HDAC7: variants seen among roughly 807,000 people sequenced by gnomAD.
HDAC7 encodes the protein histone deacetylase 7A.
HDAC7 carries 26 observed loss-of-function variants against 115.5 expected under a neutral mutation model. The observed-to-expected ratio is 0.23, with a 90% CI of 0.16 to 0.31. HDAC7 has a LOEUF of 0.31. Ranked by LOEUF, HDAC7 falls within the 10% of genes least tolerant of loss-of-function variation. The pLI, the probability that HDAC7 is intolerant of heterozygous loss-of-function variation, is 1.00. For missense variants in HDAC7, 1,068 were observed against 1,329.0 expected (o/e 0.80, Z 3.05); for synonymous variants, 564 against 550.9 (o/e 1.02, Z -0.33).
intron 1 of HDAC7, among the ~76,000 whole-genome samples, chr12:47,814,834 G>A (rs1944806791): frequency 6.6e-6 from 1 of 152,204 alleles, no homozygotes; most frequent in Admixed American, 6.5e-5. Flanking sequence ...ACCTTCTTAG[G>A]CAGTCCTCCC....
intron 1 of HDAC7, chr12:47,817,335 G>A (rs1479672463): frequency 6.6e-6 from 1 of 152,264 alleles, no homozygotes; most frequent in African/African-American, 2.4e-5. Flanking sequence ...GCCCAGAGCT[G>A]AGCCCCCCAC....
intron 1 of HDAC7, among the ~76,000 whole-genome samples, chr12:47,817,261 G>C (rs963730400): frequency 3.9e-5 from 6 of 152,306 alleles, no homozygotes; most frequent in Non-Finnish European, 2.9e-5. Context: ...CCCCAGAGCT[G>C]GGAGAAGCAG....
chr12:47,801,221 T>C (rs79918898), intron 2 of HDAC7, among the ~76,000 whole-genome samples: 5,713 of 152,286 alleles, frequency 0.038, 358 homozygotes, highest in African/African-American at 0.13. Context: ...GCAGGTACCA[T>C]GTCTGAGTTA....
Position 47,791,684 on chromosome 12 carries a change from G to T in HDAC7, c.1835C>A (p.Ser612Tyr). 1 of 1,613,768 alleles carries T rather than the reference G, an allele frequency of 6.2e-7. No homozygotes were observed. The highest frequency in any genetic ancestry group is 8.5e-7 in the Non-Finnish European group (1 of 1,179,976). Residue 612 changes from serine (S) to tyrosine (Y), a missense_variant, in exon 15 of 26, where the codon TCC (serine) becomes TAC (tyrosine). By Grantham distance (144) the Ser-to-Tyr change is moderately radical. Transcript: ENST00000080059. ...GTGGACCGACTGCAGCTCTTCCAGGGAGGCCTTCCGGCCTCGGAGACACTG... is the reference window on the plus strand; with the variant it reads ...GTGGACCGACTGCAGCTCTTCCAGGTAGGCCTTCCGGCCTCGGAGACACTG... Reference protein sequence around the residue: ...QCECLRGRKASLEELQSVHSE... With the variant: ...QCECLRGRKAYLEELQSVHSE...
Position 47,788,204 on chromosome 12 carries a change from G to A in HDAC7, c.2236-40C>T, listed in dbSNP as rs1241190762. On this transcript the variant is annotated intron_variant, in intron 19 of 25. Transcript: ENST00000080059. ...GGGCAGCGATTAGGGAAGGCAGAGA[G>A]ATGGGGGCCAGGACAGGTTAGAAGG... is the stretch of plus-strand genomic sequence containing the variant. The A allele has an allele frequency of 2.5e-6, 4 of 1,575,110 alleles. No homozygotes were observed. The Admixed American group carries it at 7.2e-5, about 28-fold the overall frequency.
intron 1 of HDAC7, among the ~76,000 whole-genome samples, chr12:47,806,048 T>C (rs1312678750): frequency 6.6e-6 from 1 of 152,246 alleles, no homozygotes; most frequent in African/African-American, 2.4e-5. Flanking sequence ...CATCCCAGAC[T>C]CCCTAGAACT....
At chr12:47,796,180 G>A in intron 8 of HDAC7, 27 bp downstream of exon 8, 1 of 1,588,314 alleles carries the variant, frequency 6.3e-7, no homozygotes, top group Non-Finnish European at 8.6e-7. Flanking sequence ...ACTGCCCCAG[G>A]AGAGCCCAGT....
chr12:47,787,942 T>C (rs747644086), intron 20 of HDAC7, 103 bp downstream of exon 20: 17 of 1,568,864 alleles, frequency 1.1e-5, no homozygotes, highest in Non-Finnish European at 1.3e-5. Context: ...TCAGAGAGGC[T>C]CAGCAGTCTG....
chr12:47,819,721 G>A, intron 1 of HDAC7, 46 bp downstream of exon 1: 1 of 627,368 alleles, frequency 1.6e-6, no homozygotes, highest in Non-Finnish European at 2.0e-6. Flanking sequence ...GGCGACGCTG[G>A]GTGCCGCGCG....
At chr12:47,818,188 C>G (rs7959281) in intron 1 of HDAC7, among the ~76,000 whole-genome samples, 30,759 of 152,086 alleles carry the variant, frequency 0.2, 3,383 homozygotes, top group African/African-American at 0.28. Flanking sequence ...AGACACCCGC[C>G]GAATAAGGGA....
intron 1 of HDAC7, among the ~76,000 whole-genome samples, chr12:47,808,265 C>T (rs1245544842): frequency 4.6e-5 from 7 of 152,138 alleles, no homozygotes; most frequent in Non-Finnish European, 1.0e-4. Context: ...ATCCCACATG[C>T]GGCTGTTGTA....
intron 18 of HDAC7, 65 bp downstream of exon 18, chr12:47,789,458 C>T (rs959500048): frequency 1.9e-6 from 3 of 1,592,944 alleles, no homozygotes; most frequent in African/African-American, 2.7e-5. Context: ...AGAGAATGTC[C>T]CTGAAGGAAG....
rs1943366911 is a variant in HDAC7 at position 47,789,524 on chromosome 12, T to C, written c.2146A>G (p.Met716Val). 3.1e-6 allele frequency: 5 copies of C among 1,614,156 alleles called. No individual in the cohort carries two copies. The highest frequency in any genetic ancestry group is 1.3e-5 in the African/African-American group (1 of 75,064). ...ACCCAGGTCTTCCCTTAGCCTTACA[T>C]GGCTGTTGAATGATCTGCATGGTGT... is the stretch of plus-strand genomic sequence containing the variant. ...PGHHADHSTAMGFCFFNSVAI... is the reference protein window; with the variant it reads ...PGHHADHSTAVGFCFFNSVAI... Residue 716 changes from methionine to valine, a missense_variant and splice_region_variant, in exon 18 of 26, where the codon ATG (methionine) becomes GTG (valine). By Grantham distance (21) the Met-to-Val change is conservative. Transcript: ENST00000080059.
In HDAC7 at chr12:47,789,932, A is replaced by G. The variant is rs1011371172; in HGVS notation, c.1984-12T>C. The G allele has an allele frequency of 2.5e-6, 4 of 1,583,386 alleles. No individual in the cohort carries two copies. Among genetic ancestry groups the G allele is most frequent in the Non-Finnish European group, 3.5e-6 (4 of 1,153,092 alleles). ...GTGTCAGTGTCCACCTGCGGGAGCC[A>G]GAGTCAGGGCCCGCATCATCCAAGG... On this transcript the variant is annotated splice_polypyrimidine_tract_variant and intron_variant, in intron 16 of 25. Transcript: ENST00000080059.
Position 47,798,304 on chromosome 12 carries a change from C to A in HDAC7, c.350-85G>T. On this transcript the variant is annotated intron_variant, in intron 4 of 25. Coordinates refer to ENST00000080059, the MANE Select transcript of HDAC7 (RefSeq NM_015401.5). This position sits in a 1 kb window ranked among gnomAD's most constrained non-coding sequence, Gnocchi z 4.3. The stretch of plus-strand genomic sequence containing the variant: ...ACCTGGCCACTGCCCTGTCCCCATC[C>A]TCAGTAGGAGGCGTCCCAGGGACTC... 8.7e-7 allele frequency: 1 copy of A among 1,147,118 alleles called. No homozygotes were observed. 71.1% of individuals were successfully genotyped at this position (1,147,118 alleles called of 1,614,324 possible). A position where few individuals can be genotyped will look rare whatever the true frequency, so the allele number is the denominator to read the frequency against.
At chr12:47,786,427 C>T (rs547263668) in intron 22 of HDAC7, among the ~76,000 whole-genome samples, 158 bp downstream of exon 22, 1 of 152,330 alleles carries the variant, frequency 6.6e-6, no homozygotes, top group African/African-American at 2.4e-5. Context: ...TAGGAGATCC[C>T]GGGGAATTTC....
Position 47,795,867 on chromosome 12 carries a change from G to C in HDAC7, c.906+39C>G, listed in dbSNP as rs1943798720. The stretch of plus-strand genomic sequence containing the variant: ...CAAGAAAAGGGAGTGAAAGAAGCTG[G>C]GGGGGCTTGGAGTGGGGGTGGGCAC... On this transcript the variant is annotated intron_variant, in intron 9 of 25. Transcript: ENST00000080059. The surrounding 1 kb of genome is among the most constrained non-coding windows in gnomAD (Gnocchi z 4.3). 1 of 1,524,986 alleles carries C rather than the reference G, an allele frequency of 6.6e-7. No individual in the cohort carries two copies. Among genetic ancestry groups the C allele is most frequent in the African/African-American group, 1.4e-5 (1 of 72,352 alleles). The allele number at this position is 1,524,986 out of a possible 1,614,324, so 94.5% of individuals were successfully genotyped here.
chr12:47,785,012 C>T, intron 24 of HDAC7: 1 of 579,982 alleles, frequency 1.7e-6, no homozygotes, highest in Non-Finnish European at 3.1e-6. Flanking sequence ...AGCCCCCAAG[C>T]CAGCAGAGCT....
chr12:47,787,617 G>A (rs1943242339), intron 21 of HDAC7, 95 bp downstream of exon 21: 1 of 788,038 alleles, frequency 1.3e-6, no homozygotes, highest in African/African-American at 1.7e-5. Flanking sequence ...GGTGGGGACA[G>A]GCTGACAATC....
Sources: gnomAD v4.1 joint callset for allele counts (sites outside exome capture counted in the v4.1 genomes callset) on GRCh38, gnomAD v4.1.1 for gene constraint, Gnocchi (gnomAD v3.1) non-coding constraint, MANE v1.5 for transcripts, NCBI Gene and HGNC (gene_info 2026-07-23, HGNC 2026-07-21) for gene names.